Variants in SRPK2 observed in about 807,000 individuals in gnomAD.
SRPK2 encodes the protein SFRS protein kinase 2.
A neutral mutation model predicts 90.8 loss-of-function variants in SRPK2; 21 were observed. That is an observed-to-expected ratio of 0.23 (90% CI 0.16 to 0.33). SRPK2 has a LOEUF of 0.33. Ranked by LOEUF, SRPK2 falls within the 10% of genes least tolerant of loss-of-function variation. The pLI is 1.00. For missense variants in SRPK2, 620 were observed against 869.0 expected, an observed-to-expected ratio of 0.71 and a Z score of 3.60; for synonymous variants, 288 against 311.1, an observed-to-expected ratio of 0.93 and a Z score of 0.78.
intron 2 of SRPK2, among the ~76,000 whole-genome samples, chr7:105,317,897 C>T (rs982770794): frequency 2.0e-5 from 3 of 151,466 alleles, no homozygotes; most frequent in Non-Finnish European, 4.4e-5. Context: ...TATAGGTGTG[C>T]ACCACCACTC....
chr7:105,273,936 G>C (rs1184116071), intron 2 of SRPK2, among the ~76,000 whole-genome samples: 1 of 152,174 alleles, frequency 6.6e-6, no homozygotes, highest in Non-Finnish European at 1.5e-5. Context: ...TTTAGAACTA[G>C]ACTGATCCTC....
At chr7:105,213,215 G>A (rs780674683) in intron 2 of SRPK2, among the ~76,000 whole-genome samples, 3 of 152,174 alleles carry the variant, frequency 2.0e-5, no homozygotes, top group Non-Finnish European at 2.9e-5. Context: ...TAGAGCAGGT[G>A]GATGAAGAAG....
chr7:105,284,060 TG>T (rs1310920983), intron 2 of SRPK2, among the ~76,000 whole-genome samples: 3 of 152,266 alleles, frequency 2.0e-5, no homozygotes, highest in East Asian at 3.9e-4. Flanking sequence ...GTTTTTTGTT[TG>T]TTTTTTTTGT....
chr7:105,170,373 C>G (rs1272538264), intron 3 of SRPK2, among the ~76,000 whole-genome samples: 4 of 152,040 alleles, frequency 2.6e-5, no homozygotes, highest in Non-Finnish European at 5.9e-5. Flanking sequence ...CAACTCCTAA[C>G]TCCTGCCTGG....
intron 2 of SRPK2, chr7:105,268,931 CAAGAGATTTT>C: frequency 6.6e-7 from 1 of 1,525,716 alleles, no homozygotes; most frequent in Non-Finnish European, 8.9e-7. Context: ...AGCCTTATAT[CAAGAGATTTT>C]TCTTCTCTAA....
At chr7:105,337,438 C>T (rs1345698935) in intron 2 of SRPK2, among the ~76,000 whole-genome samples, 2 of 151,992 alleles carry the variant, frequency 1.3e-5, no homozygotes, top group Non-Finnish European at 2.9e-5. Flanking sequence ...CCTCAGCTTC[C>T]CGAGTAGCCA....
At chr7:105,379,158 T>A (rs188161291) in intron 2 of SRPK2, among the ~76,000 whole-genome samples, 2,505 of 145,986 alleles carry the variant, frequency 0.017, 63 homozygotes, top group African/African-American at 0.058. Flanking sequence ...TAAAAAAAAA[T>A]ATATATATAT....
intron 2 of SRPK2, among the ~76,000 whole-genome samples, chr7:105,216,469 T>C (rs906190036): frequency 7.2e-5 from 11 of 152,020 alleles, no homozygotes; most frequent in African/African-American, 2.4e-4. Flanking sequence ...CTGGCCAATA[T>C]GGTGAAAACT....
Position 105,116,510 on chromosome 7 carries a change from CAA to C in SRPK2, c.*1326_*1327del, listed in dbSNP as rs1799641825. The C allele has an allele frequency of 6.6e-6, 1 of 152,410 alleles. No homozygotes were observed. Among genetic ancestry groups the C allele is most frequent in the Non-Finnish European group, 1.5e-5 (1 of 67,966 alleles). 9.4% of individuals were successfully genotyped at this position (152,410 alleles called of 1,614,324 possible). ...AGGCATATGGATAAATGTTAATGGA[CAA>C]AGTCAAAAACGAGGCACCTTAATGA... On this transcript the variant is annotated 3_prime_UTR_variant, in exon 16 of 16. Transcript: ENST00000393651.
rs373241225 is a variant in SRPK2 at position 105,131,899 on chromosome 7, G to A, written c.1752+892C>T. 5.3e-5 allele frequency among the ~76,000 whole-genome samples: 8 copies of A among 152,208 alleles called. No individual in the cohort carries two copies. In the East Asian group the frequency reaches 9.6e-4, roughly 18 times the overall value. The stretch of plus-strand genomic sequence containing the variant: ...CAACCCACCTTTCCCAACACGGAAC[G>A]CCTAAGTAAATACCACTGAGAAAAA... On this transcript the variant is annotated intron_variant, in intron 13 of 15. Coordinates refer to ENST00000393651, the MANE Select transcript of SRPK2 (RefSeq NM_182692.3).
chr7:105,257,438 G>A (rs1803486167), intron 2 of SRPK2, among the ~76,000 whole-genome samples: 1 of 152,210 alleles, frequency 6.6e-6, no homozygotes, highest in Non-Finnish European at 1.5e-5. Context: ...CTGCTGACAT[G>A]CAAAATTATC....
At chr7:105,127,727 A>G (rs1431949714) in intron 13 of SRPK2, among the ~76,000 whole-genome samples, 1 of 43,850 alleles carries the variant, frequency 2.3e-5, no homozygotes, top group Admixed American at 2.1e-4. Context: ...TAGGGAACAC[A>G]TTTCCCTTGC....
At chr7:105,345,849 C>T (rs34217930) in intron 2 of SRPK2, among the ~76,000 whole-genome samples, 3,183 of 152,294 alleles carry the variant, frequency 0.021, 45 homozygotes, top group Non-Finnish European at 0.029. Context: ...AATTAAAAAC[C>T]GGTTCCTCAG....
chr7:105,251,689 G>C (rs1032170795), intron 2 of SRPK2, among the ~76,000 whole-genome samples: 7 of 152,166 alleles, frequency 4.6e-5, no homozygotes, highest in Admixed American at 3.9e-4. Flanking sequence ...GATTGTGCTG[G>C]TCTCAGGAAA....
rs115488688 is a variant in SRPK2, at chr7:105,293,856, T to G, written c.72-90071A>C. ...ACTATAAGTCAATGCTTTTAGTATC[T>G]ACAATGCTATCCCCATTGAACTGAC... On this transcript the variant is annotated intron_variant, in intron 2 of 15. Transcript: ENST00000393651. 6.8e-4 allele frequency among the ~76,000 whole-genome samples: 104 copies of G among 152,328 alleles called. 1 individual carries two copies. The highest frequency in any genetic ancestry group is 2.5e-3 in the African/African-American group (104 of 41,572).
chr7:105,121,972 G>T (rs1800443855), intron 15 of SRPK2, among the ~76,000 whole-genome samples: 1 of 152,178 alleles, frequency 6.6e-6, no homozygotes, highest in African/African-American at 2.4e-5. Flanking sequence ...AGCAAACCAT[G>T]ATATAAAACT....
At chr7:105,250,339 T>TAAACAAACAAAC (rs58664882) in intron 2 of SRPK2, among the ~76,000 whole-genome samples, 1 of 151,092 alleles carries the variant, frequency 6.6e-6, no homozygotes, top group African/African-American at 2.4e-5. Context: ...AAACTCTGTC[T>TAAACAAACAAAC]AAACAAACAA....
At chr7:105,375,694 C>T (rs1480099862) in intron 2 of SRPK2, among the ~76,000 whole-genome samples, 6 of 152,180 alleles carry the variant, frequency 3.9e-5, no homozygotes, top group Admixed American at 6.5e-5. Context: ...AACCACAAAA[C>T]GGCCAACCTT....
chr7:105,301,926 C>A (rs1348471902), intron 2 of SRPK2: 28 of 1,608,940 alleles, frequency 1.7e-5, no homozygotes, highest in Non-Finnish European at 2.0e-5. Context: ...CCTAATACAG[C>A]CCCATCAAGT....
Sources: gnomAD v4.1 joint callset for allele counts (sites outside exome capture counted in the v4.1 genomes callset) on GRCh38, gnomAD v4.1.1 for gene constraint, MANE v1.5 for transcripts, NCBI Gene and HGNC (gene_info 2026-07-23, HGNC 2026-07-21) for gene names.